The following ZNF775 variants were observed in gnomAD, a reference collection of about 807,000 sequenced individuals.
The protein encoded by ZNF775 is zinc finger protein 775.
Under a neutral mutation model 2.4 loss-of-function variants are expected in ZNF775, and 1 was observed. The ratio of observed to expected loss-of-function variants is 0.41; its 90% confidence interval spans 0.15 to 1.94. ZNF775 has a LOEUF of 1.94. ZNF775 is among the 30% of genes most tolerant of loss of function. The probability of loss-of-function intolerance (pLI) is 0.30; values close to 1 mark genes in which losing one functional copy is unlikely to be tolerated. For synonymous variants in ZNF775, 381 were observed against 373.3 expected (o/e 1.02, Z -0.24); for missense variants, 823 against 826.6 (o/e 1.00, Z 0.05).
At chr7:150,396,451 C>T in intron 2 of ZNF775, 62 bp from the exon 3 acceptor site, 1 of 1,492,680 alleles carries the variant, frequency 6.7e-7, no homozygotes, top group Non-Finnish European at 8.9e-7. Context: ...TCCTTCTCTC[C>T]ATCCCACCCA....
chr7:150,380,203 G>C (rs527707492), intron 1 of ZNF775: 1 of 152,228 alleles, frequency 6.6e-6, no homozygotes, highest in Non-Finnish European at 1.5e-5. Flanking sequence ...AAAATGAAGA[G>C]ATTAGATGGC....
rs932289570 is a variant in ZNF775 at position 150,390,257 on chromosome 7, C to A, written c.31+1756C>A. ...GGGGCTGCTGGAGCCCCAGCACACTCCACCTCAGCTCCAGGGCCTCCAGGG... is the reference window on the plus strand; with the variant it reads ...GGGGCTGCTGGAGCCCCAGCACACTACACCTCAGCTCCAGGGCCTCCAGGG... On this transcript the variant is annotated intron_variant, in intron 2 of 2. Transcript: ENST00000329630. Among the ~76,000 whole-genome samples the A allele has an allele frequency of 3.3e-5, 5 of 152,112 alleles. No homozygotes were observed. In the East Asian group the frequency reaches 9.7e-4, roughly 29 times the overall value.
At chr7:150,389,454 C>G (rs995691049) in intron 2 of ZNF775, among the ~76,000 whole-genome samples, 4 of 152,246 alleles carry the variant, frequency 2.6e-5, no homozygotes, top group Non-Finnish European at 5.9e-5. Context: ...CTCAGGGAGC[C>G]TAGCCATGCA....
intron 1 of ZNF775, among the ~76,000 whole-genome samples, chr7:150,387,553 C>T (rs1042302181): frequency 2.6e-5 from 4 of 152,264 alleles, no homozygotes; most frequent in Middle Eastern, 6.8e-3. Context: ...GTGGCTCACG[C>T]CTGTAATCCC....
At position 150,398,374 on chromosome 7, in the gene ZNF775, C is replaced by T. The variant is rs1010058111; in HGVS notation, c.*279C>T. On this transcript the variant is annotated 3_prime_UTR_variant, in exon 3 of 3. Transcript: ENST00000329630. ...AGGTTGGACCCCAGGCTTCAAGCAC[C>T]GAGTGAGGGGTCTGTTGGGGACGCT... The T allele has an allele frequency of 2.6e-5, 14 of 529,096 alleles. No individual in the cohort carries two copies. The highest frequency in any genetic ancestry group is 3.6e-5 in the Non-Finnish European group (11 of 303,276). The allele number at this position is 529,096 out of a possible 1,614,324, so 32.8% of individuals were successfully genotyped here.
At chr7:150,387,347 C>A (rs1800470758) in intron 1 of ZNF775, among the ~76,000 whole-genome samples, 1 of 148,662 alleles carries the variant, frequency 6.7e-6, no homozygotes, top group Non-Finnish European at 1.5e-5. Flanking sequence ...GAGAAGGGGA[C>A]ATTTAAGCTG....
chr7:150,388,879 ATCAG>A (rs1053032837), intron 2 of ZNF775, among the ~76,000 whole-genome samples: 4 of 152,246 alleles, frequency 2.6e-5, no homozygotes, highest in African/African-American at 9.6e-5. Context: ...CCTGTGGCTC[ATCAG>A]TCAGGACATT....
At position 150,382,388 on chromosome 7, in the gene ZNF775, C is replaced by T. The variant is rs895076224; in HGVS notation, c.-50+2996C>T. The stretch of plus-strand genomic sequence containing the variant: ...CGCCTTCAAGAACCTGAGCTCAAAG[C>T]GCTGCAATGACTGGCCAGGGACTAG... On this transcript the variant is annotated intron_variant, in intron 1 of 2. Transcript: ENST00000329630. This position sits in a 1 kb window ranked among gnomAD's most constrained non-coding sequence, Gnocchi z 4.6. Among the ~76,000 whole-genome samples the T allele has an allele frequency of 2.6e-5, 4 of 152,102 alleles. No homozygotes were observed. The highest frequency in any genetic ancestry group is 2.0e-4 in the Admixed American group (3 of 15,286).
At position 150,382,221 on chromosome 7, in the gene ZNF775, G is replaced by A. The variant is rs1258382155; in HGVS notation, c.-50+2829G>A. ...TCTGAGATTCCCAACTGGCTGGAAG[G>A]AGTGATGGCTTAGGAGGAGTGAGTG... On this transcript the variant is annotated intron_variant, in intron 1 of 2. Transcript: ENST00000329630. The surrounding 1 kb of genome is among the most constrained non-coding windows in gnomAD (Gnocchi z 4.6). Among the ~76,000 whole-genome samples, 1 of 152,172 alleles carries A rather than the reference G, an allele frequency of 6.6e-6. No homozygotes were observed. The highest frequency in any genetic ancestry group is 2.4e-5 in the African/African-American group (1 of 41,440).
At chr7:150,381,943 C>T (rs1291193625) in intron 1 of ZNF775, among the ~76,000 whole-genome samples, 1 of 143,960 alleles carries the variant, frequency 6.9e-6, no homozygotes, top group African/African-American at 2.6e-5. Flanking sequence ...TGGAGAGGAG[C>T]AGGGTGGGTC....
In ZNF775 at chr7:150,398,155, G is replaced by A. The variant is rs1800718913; in HGVS notation, c.*60G>A. On this transcript the variant is annotated 3_prime_UTR_variant, in exon 3 of 3. Coordinates refer to ENST00000329630, the MANE Select transcript of ZNF775 (RefSeq NM_173680.4). ...GGGATGTTTGCGGGGTGTGTGTGGG[G>A]AGTGGGGGTGGCCAGGATTGCTGGC... is the stretch of plus-strand genomic sequence containing the variant. The A allele has an allele frequency of 2.0e-6, 3 of 1,522,972 alleles. No homozygotes were observed. Among genetic ancestry groups the A allele is most frequent in the African/African-American group, 1.4e-5 (1 of 72,166 alleles). 94.3% of individuals were successfully genotyped at this position (1,522,972 alleles called of 1,614,324 possible).
At chr7:150,388,643 G>T (rs920341165) in intron 2 of ZNF775, 142 bp downstream of exon 2, 18 of 965,510 alleles carry the variant, frequency 1.9e-5, no homozygotes, top group Admixed American at 7.1e-5. Flanking sequence ...TTCAGGGTGG[G>T]GACCAGGACT....
At chr7:150,392,917 C>T (rs1250397836) in intron 2 of ZNF775, among the ~76,000 whole-genome samples, 1 of 152,174 alleles carries the variant, frequency 6.6e-6, no homozygotes, top group Non-Finnish European at 1.5e-5. Context: ...GCTCCAGTTT[C>T]TCCTATTATT....
chr7:150,386,717 T>C (rs1010614), intron 1 of ZNF775, among the ~76,000 whole-genome samples: 68,288 of 151,940 alleles, frequency 0.45, 15,601 homozygotes, highest in Admixed American at 0.5. Context: ...GGGGTACAGG[T>C]GCACGGGACC....
At chr7:150,385,096 C>T (rs117770379) in intron 1 of ZNF775, among the ~76,000 whole-genome samples, 3,666 of 152,248 alleles carry the variant, frequency 0.024, 63 homozygotes, top group Admixed American at 0.054. Flanking sequence ...CAGAAGCTCA[C>T]AGAGTGGCCC....
At position 150,397,333 on chromosome 7, in the gene ZNF775, C is replaced by A; in HGVS notation, c.852C>A (p.Asn284Lys). ...GCGAGCCGCGCCAGTTCATCTGCAA[C>A]GAGTGTGGCAAGAGCTTCACCTGGT... ...GPGEPRQFIC[N>K]ECGKSFTWWS... is the part of the protein sequence containing the mutation. Residue 284 changes from asparagine (N) to lysine (K), a missense_variant, in exon 3 of 3, where the codon AAC becomes AAA. Physicochemically the swap from Asn to Lys is moderately conservative, Grantham distance 94 (BLOSUM62 0). Coordinates refer to ENST00000329630, the MANE Select transcript of ZNF775 (RefSeq NM_173680.4). 6.3e-7 allele frequency: 1 copy of A among 1,592,668 alleles called. No individual in the cohort carries two copies. Among genetic ancestry groups the A allele is most frequent in the African/African-American group, 1.4e-5 (1 of 74,042 alleles).
intron 2 of ZNF775, among the ~76,000 whole-genome samples, chr7:150,393,568 C>T (rs186337376): frequency 4.6e-5 from 7 of 152,360 alleles, no homozygotes; most frequent in Admixed American, 4.6e-4. Flanking sequence ...GGTGGCAGCA[C>T]TTTGCATTTC....
At chr7:150,381,144 C>G (rs1251741503) in intron 1 of ZNF775, among the ~76,000 whole-genome samples, 1 of 151,952 alleles carries the variant, frequency 6.6e-6, no homozygotes, top group Non-Finnish European at 1.5e-5. Context: ...AAGTGCAGCT[C>G]TCGCCTCTGA....
Position 150,396,966 on chromosome 7 carries a change from C to A in ZNF775, c.485C>A (p.Pro162His). Reference sequence around the variant, plus strand: ...CAGCGGCACCACACGGGCGAGCGACCCTTCTGCTGCCCCGAGTGCGCGCGG... The same window carrying A: ...CAGCGGCACCACACGGGCGAGCGACACTTCTGCTGCCCCGAGTGCGCGCGG... ...RHQRHHTGER[P>H]FCCPECARRF... Residue 162 changes from proline (P) to histidine (H), a missense_variant, in exon 3 of 3, where the codon CCC becomes CAC. Pro to His is a moderately conservative substitution (Grantham distance 77). Coordinates refer to ENST00000329630, the MANE Select transcript of ZNF775 (RefSeq NM_173680.4). 2 of 1,600,006 alleles carry A rather than the reference C, an allele frequency of 1.3e-6. No individual in the cohort carries two copies. Among genetic ancestry groups the A allele is most frequent in the Non-Finnish European group, 1.7e-6 (2 of 1,179,292 alleles).
Sources: allele counts gnomAD v4.1 joint callset (sites outside exome capture counted in the v4.1 genomes callset), GRCh38; gene constraint gnomAD v4.1.1; non-coding constraint Gnocchi (gnomAD v3.1); transcripts MANE v1.5; gene names NCBI Gene and HGNC (gene_info 2026-07-23, HGNC 2026-07-21).